EHD2: variants seen among roughly 807,000 people sequenced by gnomAD.
The protein encoded by EHD2 is EH domain-containing protein 2.
EHD2 carries 27 observed loss-of-function variants against 41.0 expected under a neutral mutation model. The observed-to-expected ratio is 0.66, with a 90% CI of 0.49 to 0.91. The LOEUF (loss-of-function observed/expected upper bound fraction) is 0.91, where lower values mean the gene tolerates loss of function less well. Among genes scored for constraint, EHD2 ranks in the 40% least tolerant of loss-of-function variants. The probability of loss-of-function intolerance (pLI) is 0.00; values close to 1 mark genes in which losing one functional copy is unlikely to be tolerated. For missense variants in EHD2, 673 were observed against 773.9 expected (o/e 0.87, Z 1.55); for synonymous variants, 342 against 341.0 (o/e 1.00, Z -0.03).
At chr19:47,730,555 T>C (rs1973797899) in intron 4 of EHD2, among the ~76,000 whole-genome samples, 1 of 152,004 alleles carries the variant, frequency 6.6e-6, no homozygotes, top group Non-Finnish European at 1.5e-5. Context: ...ACAATAGCCA[T>C]ACTGTTAACC....
chr19:47,725,289 G>A lies in EHD2; in HGVS notation c.503-523G>A, dbSNP rs1023877053. On this transcript the variant is annotated intron_variant, in intron 3 of 5. Transcript: ENST00000263277. ...CGTGAGGCTGGGCGCGGTGGCCCACGCCTGTAATCCCAACATTTTGGAGGC... is the reference window on the plus strand; with the variant it reads ...CGTGAGGCTGGGCGCGGTGGCCCACACCTGTAATCCCAACATTTTGGAGGC... Among the ~76,000 whole-genome samples the A allele has an allele frequency of 3.3e-5, 5 of 151,068 alleles. 1 individual carries two copies. Among genetic ancestry groups the A allele is most frequent in the South Asian group, 4.2e-4 (2 of 4,782 alleles).
At chr19:47,736,199 G>GA (rs931972020) in intron 4 of EHD2, among the ~76,000 whole-genome samples, 170 bp from the exon 5 acceptor site, 6 of 149,392 alleles carry the variant, frequency 4.0e-5, no homozygotes, top group Admixed American at 6.7e-5. Flanking sequence ...CCGTCTCAAA[G>GA]AAAAAAAAAG....
intron 4 of EHD2, among the ~76,000 whole-genome samples, chr19:47,736,017 G>A (rs1186213985): frequency 6.6e-6 from 1 of 152,078 alleles, no homozygotes; most frequent in Non-Finnish European, 1.5e-5. Flanking sequence ...CCAGCATGGT[G>A]AAACCCCATC....
intron 3 of EHD2, among the ~76,000 whole-genome samples, chr19:47,723,722 G>A (rs957444325): frequency 1.3e-5 from 2 of 150,662 alleles, no homozygotes; most frequent in Non-Finnish European, 2.9e-5. Context: ...TCTGTCTGCA[G>A]GCTGGAGTGC....
chr19:47,719,459 G>A lies in EHD2; in HGVS notation c.502+853G>A, dbSNP rs879393696. The stretch of plus-strand genomic sequence containing the variant: ...GGGGTGGATTCCAGCCGGGGCCTCC[G>A]GGCGTGCTGAGCCCTCACCACCCCT... On this transcript the variant is annotated intron_variant, in intron 3 of 5. Transcript: ENST00000263277. This position sits in a 1 kb window ranked among gnomAD's most constrained non-coding sequence, Gnocchi z 4.1. 2.0e-5 allele frequency among the ~76,000 whole-genome samples: 3 copies of A among 152,058 alleles called. No homozygotes were observed. The highest frequency in any genetic ancestry group is 7.2e-5 in the African/African-American group (3 of 41,392).
At chr19:47,732,428 A>T (rs1966882798) in intron 4 of EHD2, among the ~76,000 whole-genome samples, 1 of 151,134 alleles carries the variant, frequency 6.6e-6, no homozygotes, top group Non-Finnish European at 1.5e-5. Context: ...CTATTTATTC[A>T]TTTTTTTAGA....
rs867346685 is a variant in EHD2, at chr19:47,741,776, A to G, written c.*344A>G. 89 of 535,888 alleles carry G rather than the reference A, an allele frequency of 1.7e-4. No homozygotes were observed. The highest frequency in any genetic ancestry group is 1.3e-3 in the South Asian group (86 of 64,820). 33.2% of individuals were successfully genotyped at this position (535,888 alleles called of 1,614,324 possible). ...CCTGTTCTAGGCACTGGGCATTACC[A>G]TAGAGAACAAAATAGACAAATACAT... On this transcript the variant is annotated 3_prime_UTR_variant, in exon 6 of 6. Coordinates refer to ENST00000263277, the MANE Select transcript of EHD2 (RefSeq NM_014601.4). This position sits in a 1 kb window ranked among gnomAD's most constrained non-coding sequence, Gnocchi z 4.5.
At position 47,714,625 on chromosome 19, in the gene EHD2, G is replaced by A. The variant is rs150497246; in HGVS notation, c.-56+1087G>A. On this transcript the variant is annotated intron_variant, in intron 1 of 5. Coordinates refer to ENST00000263277, the MANE Select transcript of EHD2 (RefSeq NM_014601.4). ...AACTCAGATCTTTAGACCTATAATA[G>A]GATTGCAACCTCTGAGGTCAGGCTG... 3.5e-3 allele frequency among the ~76,000 whole-genome samples: 536 copies of A among 152,168 alleles called. 1 individual carries two copies. Among genetic ancestry groups the A allele is most frequent in the Middle Eastern group, 6.8e-3 (2 of 294 alleles).
intron 4 of EHD2, among the ~76,000 whole-genome samples, chr19:47,734,355 G>A (rs946690578): frequency 1.3e-5 from 2 of 151,918 alleles, no homozygotes; most frequent in Non-Finnish European, 2.9e-5. Flanking sequence ...AAAAGAAAAG[G>A]AAAGTAGGGG....
chr19:47,731,279 A>AAAATT lies in EHD2; in HGVS notation c.915+5056_915+5057insAATTA. On this transcript the variant is annotated intron_variant, in intron 4 of 5. Coordinates refer to ENST00000263277, the MANE Select transcript of EHD2 (RefSeq NM_014601.4). ...ATTTGTGATTCTTTAAAAAAAAAAA[A>AAAATT]ATATATATATATATATATATATACA... is the stretch of plus-strand genomic sequence containing the variant. 2.0e-3 allele frequency: 120 copies of AAAATT among 60,924 alleles called. 2 individuals are homozygous for AAAATT. Among genetic ancestry groups the AAAATT allele is most frequent in the African/African-American group, 4.6e-3 (94 of 20,472 alleles). 3.8% of individuals were successfully genotyped at this position (60,924 alleles called of 1,614,324 possible). A position where few individuals can be genotyped will look rare whatever the true frequency, so the allele number is the denominator to read the frequency against.
intron 5 of EHD2, among the ~76,000 whole-genome samples, chr19:47,738,768 C>A (rs1160601685): frequency 2.0e-5 from 3 of 152,348 alleles, no homozygotes; most frequent in East Asian, 3.9e-4. Context: ...GGATCCCCAA[C>A]CCTTCAGAGT....
chr19:47,716,891 C>A lies in EHD2; in HGVS notation c.279C>A (p.Thr93=), dbSNP rs202176899. The change falls in exon 2 of 6, where the codon ACC becomes ACA. Residue 93 remains threonine (T), a synonymous_variant. Coordinates refer to ENST00000263277, the MANE Select transcript of EHD2 (RefSeq NM_014601.4). The stretch of plus-strand genomic sequence containing the variant: ...GCTCCCGCGTGGGGCCTGAGCCCAC[C>A]ACCGACTGCTTTGTGGCCGTCATGC... ...VPGSRVGPEP[T]TDCFVAVMHG... The A allele has an allele frequency of 6.2e-7, 1 of 1,612,632 alleles. No individual in the cohort carries two copies. Among genetic ancestry groups the A allele is most frequent in the Non-Finnish European group, 8.5e-7 (1 of 1,179,856 alleles).
rs1175055811 is a variant in EHD2, at chr19:47,742,150, T to G, written c.*718T>G. On this transcript the variant is annotated 3_prime_UTR_variant, in exon 6 of 6. Transcript: ENST00000263277. ...TTCCTTCCTTCCTTCCTTCTTTTCT[T>G]TCCTTCCTTCCTTCTTTTTTGTTTT... 3.0e-6 allele frequency: 1 copy of G among 333,652 alleles called. No individual in the cohort carries two copies. Among genetic ancestry groups the G allele is most frequent in the East Asian group, 9.0e-5 (1 of 11,134 alleles). 20.7% of individuals were successfully genotyped at this position (333,652 alleles called of 1,614,324 possible).
intron 4 of EHD2, among the ~76,000 whole-genome samples, chr19:47,726,849 TTTA>T (rs1225922758): frequency 1.3e-5 from 2 of 152,134 alleles, no homozygotes; most frequent in Non-Finnish European, 2.9e-5. Flanking sequence ...CAGCTAATTT[TTTA>T]TTTTTTGTAG....
intron 3 of EHD2, among the ~76,000 whole-genome samples, chr19:47,724,110 A>G (rs1973725681): frequency 6.9e-6 from 1 of 144,760 alleles, no homozygotes; most frequent in Admixed American, 7.0e-5. Context: ...ACAGAGTCTC[A>G]CTCTGTCGCC....
In EHD2 at chr19:47,719,829, G is replaced by T. The variant is rs1352942544; in HGVS notation, c.502+1223G>T. ...AGAGGCTCTCTCAGCCAGGGCAGGG[G>T]TGCCGGCAGGGGGGTTCAAAGGCCA... On this transcript the variant is annotated intron_variant, in intron 3 of 5. Coordinates refer to ENST00000263277, the MANE Select transcript of EHD2 (RefSeq NM_014601.4). The surrounding 1 kb of genome is among the most constrained non-coding windows in gnomAD (Gnocchi z 4.1). Among the ~76,000 whole-genome samples the T allele has an allele frequency of 6.6e-6, 1 of 152,050 alleles. No individual in the cohort carries two copies. The highest frequency in any genetic ancestry group is 1.5e-5 in the Non-Finnish European group (1 of 67,986).
intron 5 of EHD2, among the ~76,000 whole-genome samples, chr19:47,738,524 A>ACTCCTGACTTCAGGTGATC: frequency 6.6e-6 from 1 of 151,154 alleles, no homozygotes; most frequent in East Asian, 2.0e-4. Flanking sequence ...CTGGTCTCAA[A>ACTCCTGACTTCAGGTGATC]CTCCTGACTT....
At chr19:47,734,638 G>T (rs1599900730) in intron 4 of EHD2, among the ~76,000 whole-genome samples, 2 of 151,780 alleles carry the variant, frequency 1.3e-5, no homozygotes, top group Admixed American at 1.3e-4. Flanking sequence ...CCAGCTACTC[G>T]AGAGGTAGAG....
chr19:47,731,133 C>T (rs1973802836), intron 4 of EHD2, among the ~76,000 whole-genome samples: 1 of 150,472 alleles, frequency 6.6e-6, no homozygotes, highest in South Asian at 2.1e-4. Flanking sequence ...CCTGGGGCAG[C>T]CATGCACTTG....
Sources: gnomAD v4.1 joint callset for allele counts (sites outside exome capture counted in the v4.1 genomes callset) on GRCh38, gnomAD v4.1.1 for gene constraint, Gnocchi (gnomAD v3.1) non-coding constraint, MANE v1.5 for transcripts, NCBI Gene and HGNC (gene_info 2026-07-23, HGNC 2026-07-21) for gene names.